Variants in IPPK observed in about 807,000 individuals in gnomAD.
The protein encoded by IPPK is IPK1 homolog.
A neutral mutation model predicts 64.6 loss-of-function variants in IPPK; 22 were observed. That is an observed-to-expected ratio of 0.34 (90% CI 0.24 to 0.49). The LOEUF is 0.49. IPPK is among the 20% of genes least tolerant of loss of function. IPPK has a pLI of 0.99. For missense variants in IPPK, 532 were observed against 630.7 expected (o/e 0.84, Z 1.68); for synonymous variants, 262 against 247.2 (o/e 1.06, Z -0.56).
rs149366566 is a variant in IPPK, at chr9:92,656,514, A to G, written c.167T>C (p.Val56Ala). The stretch of plus-strand genomic sequence containing the variant: ...CTTCATGACATTTTTCCCAAAGTCC[A>G]CTATGTTCTGCAGGTGTTGAAATAT... ...EEIFQHLQNI[V>A]DFGKNVMKEF... Residue 56 changes from valine to alanine, a missense_variant, in exon 3 of 13, where the codon GTG becomes GCG. Coordinates refer to ENST00000287996, the MANE Select transcript of IPPK (RefSeq NM_022755.6). 73 of 1,613,636 alleles carry G rather than the reference A, an allele frequency of 4.5e-5. No homozygotes were observed. Among genetic ancestry groups the G allele is most frequent in the Middle Eastern group, 3.3e-4 (2 of 6,082 alleles).
chr9:92,637,964 G>A (rs1369383303), intron 9 of IPPK, 37 bp downstream of exon 9: 12 of 1,488,512 alleles, frequency 8.1e-6, no homozygotes, highest in African/African-American at 5.6e-5. Flanking sequence ...AGGCCCCTGC[G>A]GCCCCCACCG....
rs944603170 is a variant in IPPK at position 92,635,007 on chromosome 9, C to A, written c.1067+151G>T. On this transcript the variant is annotated intron_variant, in intron 10 of 12. Coordinates refer to ENST00000287996, the MANE Select transcript of IPPK (RefSeq NM_022755.6). The surrounding 1 kb of genome is among the most constrained non-coding windows in gnomAD (Gnocchi z 4.4). ...ACAAGGCACTACATTCCAGAGCAGG[C>A]CTGGGCACCTGGGAGCGGAGGACTG... is the stretch of plus-strand genomic sequence containing the variant. 1.6e-5 allele frequency: 11 copies of A among 678,986 alleles called. No individual in the cohort carries two copies. Among genetic ancestry groups the A allele is most frequent in the Non-Finnish European group, 2.4e-5 (10 of 409,038 alleles). 42.1% of individuals were successfully genotyped at this position (678,986 alleles called of 1,614,324 possible).
At chr9:92,630,708 T>C (rs901015435) in intron 11 of IPPK, among the ~76,000 whole-genome samples, 2 of 151,982 alleles carry the variant, frequency 1.3e-5, no homozygotes. Context: ...AGAACAATAC[T>C]GCACATAAGT....
intron 1 of IPPK, among the ~76,000 whole-genome samples, chr9:92,668,228 A>G (rs1852642443): frequency 6.6e-6 from 1 of 152,242 alleles, no homozygotes; most frequent in Non-Finnish European, 1.5e-5. Flanking sequence ...AGATCGCGCC[A>G]CTGCACTCCA....
Position 92,644,733 on chromosome 9 carries a change from A to C in IPPK, c.505-1923T>G, listed in dbSNP as rs1353983438. Among the ~76,000 whole-genome samples, 6 of 152,244 alleles carry C rather than the reference A, an allele frequency of 3.9e-5. No homozygotes were observed. In the South Asian group the frequency reaches 1.0e-3, roughly 26 times the overall value. ...AATACAGACTTCACAAAATTAGCGCAGAAAAGTCCCTAAACAAACAGTAAC... is the reference window on the plus strand; with the variant it reads ...AATACAGACTTCACAAAATTAGCGCCGAAAAGTCCCTAAACAAACAGTAAC... On this transcript the variant is annotated intron_variant, in intron 6 of 12. Transcript: ENST00000287996.
intron 11 of IPPK, 103 bp downstream of exon 11, chr9:92,634,283 C>T (rs1409541416): frequency 9.3e-6 from 7 of 750,008 alleles, no homozygotes; most frequent in Non-Finnish European, 1.6e-5. Flanking sequence ...CTGCTTTAAA[C>T]CTCAGGGGTA....
chr9:92,652,456 A>AAAT (rs2131453571), intron 4 of IPPK, 117 bp downstream of exon 4: 1 of 504,876 alleles, frequency 2.0e-6, no homozygotes, highest in African/African-American at 1.9e-5. Flanking sequence ...CTCAAAAAAA[A>AAAT]AAAAAAAAAA....
rs1852101107 is a variant in IPPK, at chr9:92,643,987, C to G, written c.505-1177G>C. On this transcript the variant is annotated intron_variant, in intron 6 of 12. Coordinates refer to ENST00000287996, the MANE Select transcript of IPPK (RefSeq NM_022755.6). ...ATAGTAAAATGTATTTCTTAAACAT[C>G]TGTCACATATGTTGAAAGTGAATGG... Among the ~76,000 whole-genome samples, 4 of 152,226 alleles carry G rather than the reference C, an allele frequency of 2.6e-5. No individual in the cohort carries two copies. In the South Asian group the frequency reaches 8.3e-4, roughly 31 times the overall value.
intron 6 of IPPK, among the ~76,000 whole-genome samples, chr9:92,644,019 T>A (rs1029908787): frequency 6.6e-6 from 1 of 152,206 alleles, no homozygotes; most frequent in Non-Finnish European, 1.5e-5. Flanking sequence ...ATGGTGACCA[T>A]GAAAATTGCA....
At chr9:92,641,856 G>C (rs1033772454) in intron 7 of IPPK, among the ~76,000 whole-genome samples, 2 of 152,188 alleles carry the variant, frequency 1.3e-5, no homozygotes, top group African/African-American at 4.8e-5. Flanking sequence ...AGTGGAGCGA[G>C]AAAAACCGGA....
At position 92,634,409 on chromosome 9, in the gene IPPK, T is replaced by C; in HGVS notation, c.1147A>G (p.Thr383Ala). The change falls in exon 11 of 13, where the codon ACA (threonine) becomes GCA (alanine). Residue 383 changes from threonine to alanine, a missense_variant. Physicochemically the swap from Thr to Ala is moderately conservative, Grantham distance 58. Coordinates refer to ENST00000287996, the MANE Select transcript of IPPK (RefSeq NM_022755.6). ...ACCTTCGTTAGCGCGAAGGCCACTGTCCCGTCATCCTCAGTGGAAAGGTCA... is the reference window on the plus strand; with the variant it reads ...ACCTTCGTTAGCGCGAAGGCCACTGCCCCGTCATCCTCAGTGGAAAGGTCA... ...LLDLSTEDDGTVAFALTKVQQ... is the reference protein window; with the variant it reads ...LLDLSTEDDGAVAFALTKVQQ... 6.2e-7 allele frequency: 1 copy of C among 1,613,930 alleles called. No individual in the cohort carries two copies. The highest frequency in any genetic ancestry group is 1.1e-5 in the South Asian group (1 of 91,076).
chr9:92,624,664 C>CT (rs1449790692), intron 11 of IPPK, among the ~76,000 whole-genome samples: 1 of 152,132 alleles, frequency 6.6e-6, no homozygotes, highest in African/African-American at 2.4e-5. Context: ...AAAGCCATTT[C>CT]TTTTCTCATC....
In IPPK at chr9:92,619,525, G is replaced by A; in HGVS notation, c.1211C>T (p.Ser404Phe). The change falls in exon 12 of 13, where the codon TCC becomes TTC. Residue 404 changes from serine to phenylalanine, a missense_variant. Transcript: ENST00000287996. Reference protein sequence around the residue: ...YRVAMTAKDCSIMIALSPCLQ... With the variant: ...YRVAMTAKDCFIMIALSPCLQ... Reference sequence around the variant, plus strand: ...ACAGGGAGACAGTGCAATCATGATGGAGCAGTCCTTGGCAGTCATGGCGAC... The same window carrying A: ...ACAGGGAGACAGTGCAATCATGATGAAGCAGTCCTTGGCAGTCATGGCGAC... The A allele has an allele frequency of 1.9e-6, 3 of 1,593,468 alleles. No homozygotes were observed. Among genetic ancestry groups the A allele is most frequent in the Non-Finnish European group, 2.6e-6 (3 of 1,170,484 alleles).
intron 1 of IPPK, among the ~76,000 whole-genome samples, chr9:92,660,674 C>T (rs561092995): frequency 4.1e-4 from 62 of 152,328 alleles, no homozygotes; most frequent in African/African-American, 1.4e-3. Context: ...ACTACAAGAA[C>T]ACAGGACCCC....
At chr9:92,641,261 A>G (rs1852040742) in intron 7 of IPPK, among the ~76,000 whole-genome samples, 1 of 152,160 alleles carries the variant, frequency 6.6e-6, no homozygotes, top group South Asian at 2.1e-4. Flanking sequence ...CTCGTCCTCC[A>G]AGCGACGAGC....
chr9:92,661,712 A>G (rs1852488311), intron 1 of IPPK, among the ~76,000 whole-genome samples: 1 of 152,220 alleles, frequency 6.6e-6, no homozygotes, highest in African/African-American at 2.4e-5. Flanking sequence ...TTATCATCCA[A>G]AAACTATTAC....
Position 92,615,109 on chromosome 9 carries a change from A to G in IPPK, c.*723T>C, listed in dbSNP as rs1851391851. The G allele has an allele frequency of 6.6e-6, 1 of 152,362 alleles. No homozygotes were observed. Among genetic ancestry groups the G allele is most frequent in the Admixed American group, 6.5e-5 (1 of 15,282 alleles). 9.4% of individuals were successfully genotyped at this position (152,362 alleles called of 1,614,324 possible). A position where few individuals can be genotyped will look rare whatever the true frequency, so the allele number is the denominator to read the frequency against. ...CTACAGCAGCAATTTTTAGTGGGAA[A>G]GAACAGCTCATCTCCCCCTCATGTG... is the stretch of plus-strand genomic sequence containing the variant. On this transcript the variant is annotated 3_prime_UTR_variant, in exon 13 of 13. Transcript: ENST00000287996.
At chr9:92,618,670 AC>A (rs1851525682) in intron 12 of IPPK, 2 of 416,398 alleles carry the variant, frequency 4.8e-6, no homozygotes, top group African/African-American at 2.0e-5. Context: ...AAATAGAACA[AC>A]CTTTTTTCTA....
intron 11 of IPPK, among the ~76,000 whole-genome samples, chr9:92,622,847 GA>G (rs1851668115): frequency 6.6e-6 from 1 of 152,148 alleles, no homozygotes. Context: ...GAAGAAGACA[GA>G]AGGATTTGTC....
Sources: gnomAD v4.1 joint callset for allele counts (sites outside exome capture counted in the v4.1 genomes callset) on GRCh38, gnomAD v4.1.1 for gene constraint, Gnocchi (gnomAD v3.1) non-coding constraint, MANE v1.5 for transcripts, NCBI Gene and HGNC (gene_info 2026-07-23, HGNC 2026-07-21) for gene names.